SYCP1: variants seen among roughly 807,000 people sequenced by gnomAD.
The protein encoded by SYCP1 is synaptonemal complex protein 1.
SYCP1 carries 64 observed loss-of-function variants against 153.1 expected under a neutral mutation model. That is an observed-to-expected ratio of 0.42 (90% CI 0.34 to 0.51). The LOEUF (loss-of-function observed/expected upper bound fraction) is 0.51. SYCP1 is among the 20% of genes least tolerant of loss of function. The pLI, the probability that SYCP1 is intolerant of heterozygous loss-of-function variation, is 0.06. For missense variants in SYCP1, 997 were observed against 1,049.0 expected (o/e 0.95, Z 0.68); for synonymous variants, 384 against 341.8 (o/e 1.12, Z -1.36).
chr1:114,925,354 G>T (rs1174860093), intron 21 of SYCP1, among the ~76,000 whole-genome samples: 3 of 151,970 alleles, frequency 2.0e-5, no homozygotes, highest in Non-Finnish European at 2.9e-5. Flanking sequence ...AAGAATTTAA[G>T]ACATACTTTA....
intron 17 of SYCP1, among the ~76,000 whole-genome samples, chr1:114,911,007 C>G (rs972592027): frequency 5.9e-5 from 9 of 151,946 alleles, no homozygotes; most frequent in Non-Finnish European, 1.2e-4. Flanking sequence ...TTATAGTGCT[C>G]ATGTTATAGT....
chr1:114,888,440 C>T (rs185004742), intron 15 of SYCP1, among the ~76,000 whole-genome samples: 130 of 151,370 alleles, frequency 8.6e-4, no homozygotes, highest in African/African-American at 2.8e-3. Context: ...TATCTAGTAT[C>T]GGAAATGTGT....
At chr1:114,884,230 C>T (rs1570696705) in intron 12 of SYCP1, among the ~76,000 whole-genome samples, 1 of 152,134 alleles carries the variant, frequency 6.6e-6, no homozygotes, top group African/African-American at 2.4e-5. Flanking sequence ...GTGACTTATT[C>T]GTTATACTTC....
At chr1:114,943,796 T>G (rs1489532290) in intron 23 of SYCP1, among the ~76,000 whole-genome samples, 1 of 151,824 alleles carries the variant, frequency 6.6e-6, no homozygotes, top group Non-Finnish European at 1.5e-5. Flanking sequence ...TATAACACCT[T>G]GCCAGTATTA....
At chr1:114,879,157 T>A (rs1395964194) in intron 12 of SYCP1, among the ~76,000 whole-genome samples, 1 of 152,190 alleles carries the variant, frequency 6.6e-6, no homozygotes, top group Non-Finnish European at 1.5e-5. Flanking sequence ...GTTTAGACTG[T>A]CTTATTAGGG....
chr1:114,891,915 T>TC, intron 15 of SYCP1, among the ~76,000 whole-genome samples: 1 of 152,200 alleles, frequency 6.6e-6, no homozygotes, highest in East Asian at 1.9e-4. Context: ...CACAAATAAA[T>TC]ATTTAATTAT....
intron 27 of SYCP1, among the ~76,000 whole-genome samples, chr1:114,969,166 C>T (rs1672322638): frequency 6.6e-6 from 1 of 152,172 alleles, no homozygotes; most frequent in South Asian, 2.1e-4. Context: ...GTCAGGGACC[C>T]ACTTGAGGAG....
In SYCP1 at chr1:114,944,999, T is replaced by C; in HGVS notation, c.2154+17T>C. 1.3e-6 allele frequency: 2 copies of C among 1,501,742 alleles called. No individual in the cohort carries two copies. The highest frequency in any genetic ancestry group is 2.5e-5 in the South Asian group (2 of 79,172). 93.0% of individuals were successfully genotyped at this position (1,501,742 alleles called of 1,614,324 possible). A position where few individuals can be genotyped will look rare whatever the true frequency, so the allele number is the denominator to read the frequency against. Reference sequence around the variant, plus strand: ...AAACATAAGGTAATTTTTTTCTTCTTATATAATGAAAATTATTAATTGGAG... The same window carrying C: ...AAACATAAGGTAATTTTTTTCTTCTCATATAATGAAAATTATTAATTGGAG... On this transcript the variant is annotated intron_variant, in intron 25 of 31. Transcript: ENST00000369522.
intron 23 of SYCP1, among the ~76,000 whole-genome samples, chr1:114,938,633 C>T (rs1246410289): frequency 6.7e-6 from 1 of 150,254 alleles, no homozygotes; most frequent in Admixed American, 6.6e-5. Flanking sequence ...GAAACTATAC[C>T]CTCCTCTTCA....
chr1:114,971,702 TTGATA>T (rs2101915803), intron 27 of SYCP1, among the ~76,000 whole-genome samples: 1 of 152,338 alleles, frequency 6.6e-6, no homozygotes, highest in South Asian at 2.1e-4. Context: ...ATCATATGGT[TTGATA>T]TGATATATCA....
intron 15 of SYCP1, 52 bp downstream of exon 15, chr1:114,887,745 AATC>A (rs1347700686): frequency 9.0e-7 from 1 of 1,108,916 alleles, no homozygotes; most frequent in East Asian, 2.8e-5. Flanking sequence ...CTTATTATAG[AATC>A]ATAAACACTG....
At chr1:114,972,119 T>C (rs1672526069) in intron 27 of SYCP1, among the ~76,000 whole-genome samples, 2 of 152,208 alleles carry the variant, frequency 1.3e-5, no homozygotes, top group South Asian at 4.1e-4. Flanking sequence ...TATTCAAGTT[T>C]TGGATTTCTT....
chr1:114,881,440 T>G (rs1199052272), intron 12 of SYCP1, among the ~76,000 whole-genome samples: 1 of 152,346 alleles, frequency 6.6e-6, no homozygotes, highest in South Asian at 2.1e-4. Context: ...ATGATATGTC[T>G]TTCTAGGTTG....
At chr1:114,919,524 G>T (rs1668724817) in intron 20 of SYCP1, among the ~76,000 whole-genome samples, 1 of 151,926 alleles carries the variant, frequency 6.6e-6, no homozygotes. Flanking sequence ...CACAGAATGA[G>T]TTTAGCTATA....
At chr1:114,908,357 T>C (rs1020575200) in intron 16 of SYCP1, among the ~76,000 whole-genome samples, 1 of 152,200 alleles carries the variant, frequency 6.6e-6, no homozygotes, top group African/African-American at 2.4e-5. Flanking sequence ...GTTGAATTAT[T>C]ATATTTGAGA....
intron 12 of SYCP1, among the ~76,000 whole-genome samples, chr1:114,881,616 A>G (rs566972460): frequency 1.5e-4 from 22 of 151,220 alleles, no homozygotes; most frequent in Admixed American, 1.5e-3. Flanking sequence ...GATCCTCCCA[A>G]CCCAGCCTCC....
At chr1:114,943,632 GA>G (rs1264952452) in intron 23 of SYCP1, among the ~76,000 whole-genome samples, 1 of 151,780 alleles carries the variant, frequency 6.6e-6, no homozygotes, top group Admixed American at 6.6e-5. Flanking sequence ...GGCAGTAGGG[GA>G]AAACTAATGA....
Position 114,923,464 on chromosome 1 carries a change from T to C in SYCP1, c.1734T>C (p.Tyr578=). The change falls in exon 21 of 32, where the codon TAT becomes TAC. Residue 578 remains tyrosine (Y), a synonymous_variant. Coordinates refer to ENST00000369522, the MANE Select transcript of SYCP1 (RefSeq NM_003176.4). The part of the protein sequence containing the change: ...TETQLRNELE[Y]VREELKQKRD... ...TTTCTTTTAGAAATGAACTAGAATATGTGAGAGAAGAGCTAAAACAGAAAA... is the reference window on the plus strand; with the variant it reads ...TTTCTTTTAGAAATGAACTAGAATACGTGAGAGAAGAGCTAAAACAGAAAA... 1 of 1,587,252 alleles carries C rather than the reference T, an allele frequency of 6.3e-7. No individual in the cohort carries two copies. Among genetic ancestry groups the C allele is most frequent in the Non-Finnish European group, 8.6e-7 (1 of 1,163,626 alleles).
At chr1:114,920,126 CA>C (rs1341729890) in intron 20 of SYCP1, among the ~76,000 whole-genome samples, 1 of 151,858 alleles carries the variant, frequency 6.6e-6, no homozygotes, top group Admixed American at 6.6e-5. Context: ...CACTTACAAA[CA>C]CACCTCTTAA....
Sources: allele counts gnomAD v4.1 joint callset (sites outside exome capture counted in the v4.1 genomes callset), GRCh38; gene constraint gnomAD v4.1.1; transcripts MANE v1.5; gene names NCBI Gene and HGNC (gene_info 2026-07-23, HGNC 2026-07-21).